NDUFAF6: variants seen among roughly 807,000 people sequenced by gnomAD.
The protein encoded by NDUFAF6 is NADH:ubiquinone oxidoreductase complex assembly factor 6.
In NDUFAF6, 45 loss-of-function variants were observed where a neutral mutation model predicts 40.8. The ratio of observed to expected loss-of-function variants is 1.10; its 90% CI spans 0.87 to 1.42. The LOEUF (loss-of-function observed/expected upper bound fraction) is 1.42. Among genes scored for constraint, NDUFAF6 ranks in the 40% most tolerant of loss-of-function variants. The pLI is 0.00. For missense variants in NDUFAF6, 435 were observed against 418.5 expected (o/e 1.04, Z -0.34); for synonymous variants, 185 against 155.9 (o/e 1.19, Z -1.39).
chr8:95,001,657 A>G (rs1337446800), intron 2 of NDUFAF6, among the ~76,000 whole-genome samples: 1 of 152,150 alleles, frequency 6.6e-6, no homozygotes, highest in African/African-American at 2.4e-5. Context: ...CAAAAACTAG[A>G]CTAAGATTTC....
chr8:95,099,396 T>C (rs183172616), upstream of NDUFAF6, among the ~76,000 whole-genome samples: 503 of 151,566 alleles, frequency 3.3e-3, 1 homozygote, highest in Non-Finnish European at 5.9e-3. Flanking sequence ...TCCTCCATAT[T>C]CTCTGCCTGC....
chr8:95,021,320 A>G (rs1586982550), upstream of NDUFAF6, among the ~76,000 whole-genome samples: 1 of 152,364 alleles, frequency 6.6e-6, no homozygotes, highest in East Asian at 1.9e-4. Flanking sequence ...GAAAGAGGGA[A>G]CAGCATAATC....
intron 1 of NDUFAF6, chr8:94,895,948 C>A (rs1263155622): frequency 6.6e-6 from 1 of 152,670 alleles, no homozygotes; most frequent in African/African-American, 2.4e-5. Flanking sequence ...ACCCTGCTTT[C>A]CGGCTCCCTG....
At chr8:95,076,505 C>T (rs990129995), downstream of NDUFAF6, among the ~76,000 whole-genome samples, 4 of 152,220 alleles carry the variant, frequency 2.6e-5, no homozygotes, top group South Asian at 2.1e-4. Context: ...TGTGTTCTTT[C>T]TCTTCGTCTT....
At chr8:95,103,602 G>T (rs1380158963), downstream of NDUFAF6, 1 of 152,182 alleles carries the variant, frequency 6.6e-6, no homozygotes, top group African/African-American at 2.4e-5. Context: ...CAGCCCACAG[G>T]ACCCTGTTCC....
At chr8:94,962,609 GTT>G (rs375083573) in intron 1 of NDUFAF6, among the ~76,000 whole-genome samples, 7,584 of 45,814 alleles carry the variant, frequency 0.17, 257 homozygotes, top group Non-Finnish European at 0.24. Context: ...TCTGTTTTTT[GTT>G]TTTTGTTTTT....
intron 2 of NDUFAF6, among the ~76,000 whole-genome samples, chr8:95,009,215 C>T (rs28616734): frequency 0.13 from 19,960 of 149,498 alleles, 1,343 homozygotes; most frequent in Middle Eastern, 0.23. Flanking sequence ...AAAAAAAAAA[C>T]GAAAAATAAA....
intron 3 of NDUFAF6, among the ~76,000 whole-genome samples, chr8:95,041,215 A>G (rs952676272): frequency 2.6e-5 from 4 of 152,224 alleles, no homozygotes; most frequent in African/African-American, 9.7e-5. Context: ...CCCTGTCTCT[A>G]CAATTTAAAA....
intron 2 of NDUFAF6, among the ~76,000 whole-genome samples, chr8:95,091,390 G>C (rs531169988): frequency 6.6e-6 from 1 of 152,138 alleles, no homozygotes; most frequent in Admixed American, 6.5e-5. Context: ...CATGAGAACA[G>C]CCTGGGGGAA....
rs1158530408 is a variant in NDUFAF6, at chr8:95,000,954, C to CTTT, written c.-84+19998_-84+20000dup. Reference sequence around the variant, plus strand: ...TCTGTTTCCAAATTGCTTCCCCTTACTTTTTTTTTTTTTTTTTTTGAGACA... The same window carrying CTTT: ...TCTGTTTCCAAATTGCTTCCCCTTACTTTTTTTTTTTTTTTTTTTTTTGAGACA... On this transcript the variant is annotated intron_variant, in intron 2 of 9. Transcript: ENST00000396111. Among the ~76,000 whole-genome samples the CTTT allele has an allele frequency of 7.7e-3, 1,028 of 134,000 alleles. 17 individuals carry two copies. Among genetic ancestry groups the CTTT allele is most frequent in the African/African-American group, 0.027 (976 of 36,328 alleles). The allele number at this position is 134,000 out of a possible 152,430, so 87.9% of individuals were successfully genotyped here.
In NDUFAF6 at chr8:94,997,339, CACACAGAGAG is replaced by C. The variant is rs1453206095; in HGVS notation, c.-84+16368_-84+16377del. Among the ~76,000 whole-genome samples the C allele has an allele frequency of 6.4e-3, 791 of 124,174 alleles. 1 individual carries two copies. The highest frequency in any genetic ancestry group is 9.0e-3 in the Admixed American group (105 of 11,730). 81.5% of individuals were successfully genotyped at this position (124,174 alleles called of 152,430 possible). ...ACACACACACACACACACACACACA[CACACAGAGAG>C]AGAGAGAGAGAGAGAGACAGAGAGA... On this transcript the variant is annotated intron_variant, in intron 2 of 9. Transcript: ENST00000396111.
At chr8:94,982,287 A>G (rs1825512105) in intron 2 of NDUFAF6, among the ~76,000 whole-genome samples, 1 of 152,186 alleles carries the variant, frequency 6.6e-6, no homozygotes, top group African/African-American at 2.4e-5. Flanking sequence ...ATACACAAAT[A>G]CTATTGTGTC....
intron 2 of NDUFAF6, among the ~76,000 whole-genome samples, chr8:94,982,885 C>T (rs1586894172): frequency 6.6e-6 from 1 of 152,172 alleles, no homozygotes; most frequent in Non-Finnish European, 1.5e-5. Context: ...GGGTTGTTCA[C>T]CTAAAAGGAG....
At chr8:95,047,207 T>C (rs1211515291) in intron 6 of NDUFAF6, 80 bp downstream of exon 6, 3 of 1,584,554 alleles carry the variant, frequency 1.9e-6, no homozygotes, top group Non-Finnish European at 2.6e-6. Flanking sequence ...TTTTGCTTAG[T>C]CTATTCAAGT....
At chr8:94,939,764 G>C in intron 1 of NDUFAF6, 1 of 1,513,024 alleles carries the variant, frequency 6.6e-7, no homozygotes, top group Non-Finnish European at 8.9e-7. Context: ...AACAAAATTA[G>C]TTTTGCATCT....
At chr8:94,930,620 C>T (rs749667821) in intron 1 of NDUFAF6, 3 of 1,614,210 alleles carry the variant, frequency 1.9e-6, no homozygotes, top group East Asian at 2.2e-5. Context: ...GTTCTTTTAT[C>T]CACTGGGAAG....
chr8:95,013,959 A>G (rs1365231724), intron 2 of NDUFAF6, among the ~76,000 whole-genome samples: 1 of 152,226 alleles, frequency 6.6e-6, no homozygotes, highest in Non-Finnish European at 1.5e-5. Flanking sequence ...CACAGGGAGA[A>G]TGCCATGTAA....
At chr8:95,086,615 T>A (rs766346265) in intron 2 of NDUFAF6, among the ~76,000 whole-genome samples, 21 of 150,976 alleles carry the variant, frequency 1.4e-4, no homozygotes, top group Admixed American at 3.9e-4. Context: ...TTTTTTTTTT[T>A]TTTTCGAGAC....
At chr8:94,916,816 CA>C (rs549687775) in intron 1 of NDUFAF6, among the ~76,000 whole-genome samples, 51 of 96,688 alleles carry the variant, frequency 5.3e-4, no homozygotes, top group Admixed American at 4.8e-4. Context: ...GACTCCATAT[CA>C]AAAAAAAAAA....
Sources: gnomAD v4.1 joint callset for allele counts (sites outside exome capture counted in the v4.1 genomes callset) on GRCh38, gnomAD v4.1.1 for gene constraint, MANE v1.5 for transcripts, NCBI Gene and HGNC (gene_info 2026-07-23, HGNC 2026-07-21) for gene names.